The following BTRC variants were observed in gnomAD, a reference collection of about 807,000 sequenced individuals.
The protein encoded by BTRC is beta-transducin repeat containing E3 ubiquitin protein ligase, also known as F-box/WD repeat-containing protein 1A.
In BTRC, 42 loss-of-function variants were observed where a neutral mutation model predicts 85.5. That is an observed-to-expected ratio of 0.49 (90% CI 0.38 to 0.64). The LOEUF (loss-of-function observed/expected upper bound fraction) is 0.64, where lower values mean the gene tolerates loss of function less well. BTRC is among the 30% of genes least tolerant of loss of function. The pLI is 0.00. For synonymous variants in BTRC, 255 were observed against 263.3 expected, an observed-to-expected ratio of 0.97 and a Z score of 0.30; for missense variants, 594 against 743.5, an observed-to-expected ratio of 0.80 and a Z score of 2.34.
intron 11 of BTRC, among the ~76,000 whole-genome samples, chr10:101,536,340 C>T (rs1243562830): frequency 2.0e-5 from 3 of 152,186 alleles, no homozygotes; most frequent in East Asian, 1.9e-4. Context: ...ATACATTTTA[C>T]ATTTGAACTT....
At chr10:101,427,461 ATT>A (rs34459504) in intron 1 of BTRC, among the ~76,000 whole-genome samples, 22 of 122,892 alleles carry the variant, frequency 1.8e-4, no homozygotes, top group Admixed American at 2.5e-4. Context: ...TATGTTAAGG[ATT>A]TTTTTTTTTT....
intron 2 of BTRC, among the ~76,000 whole-genome samples, chr10:101,447,439 A>G (rs1338597381): frequency 1.6e-4 from 24 of 152,210 alleles, no homozygotes; most frequent in Admixed American, 1.5e-3. Context: ...GGAGCAAAAG[A>G]TGCATTATAC....
chr10:101,543,454 G>GTT lies in BTRC; in HGVS notation c.1656+5091_1656+5092dup, dbSNP rs201527753. Among the ~76,000 whole-genome samples, 26 of 141,220 alleles carry GTT rather than the reference G, an allele frequency of 1.8e-4. No individual in the cohort carries two copies. The East Asian group carries it at 5.0e-3, about 27-fold the overall frequency. 92.6% of individuals were successfully genotyped at this position (141,220 alleles called of 152,430 possible). ...CATATTCAGCATATAGTTGGGCCAT[G>GTT]TTTTTTTTTGTTTTTTTTTTTTCTT... is the stretch of plus-strand genomic sequence containing the variant. On this transcript the variant is annotated intron_variant, in intron 13 of 14. Coordinates refer to ENST00000370187, the MANE Select transcript of BTRC (RefSeq NM_033637.4).
At chr10:101,400,881 T>TTCCC (rs1943477034) in intron 1 of BTRC, among the ~76,000 whole-genome samples, 1 of 152,182 alleles carries the variant, frequency 6.6e-6, no homozygotes. Context: ...CTGCCTTTCT[T>TTCCC]TCCCTCCTTT....
chr10:101,534,441 G>A (rs2062353215), intron 9 of BTRC, among the ~76,000 whole-genome samples: 1 of 152,008 alleles, frequency 6.6e-6, no homozygotes, highest in Non-Finnish European at 1.5e-5. Flanking sequence ...CAAATTATTA[G>A]GTGACAGTGG....
At chr10:101,528,058 GAGA>G (rs2062225501) in intron 6 of BTRC, among the ~76,000 whole-genome samples, 1 of 152,112 alleles carries the variant, frequency 6.6e-6, no homozygotes, top group Non-Finnish European at 1.5e-5. Context: ...TAGGGCAGCT[GAGA>G]AGATTTCTGT....
intron 1 of BTRC, among the ~76,000 whole-genome samples, chr10:101,388,319 C>G (rs999158745): frequency 6.8e-6 from 1 of 147,532 alleles, no homozygotes; most frequent in Non-Finnish European, 1.5e-5. Context: ...CACCACACCA[C>G]ACCCAGCTAA....
At chr10:101,360,641 G>A (rs746066817) in intron 1 of BTRC, among the ~76,000 whole-genome samples, 5 of 152,168 alleles carry the variant, frequency 3.3e-5, no homozygotes, top group Non-Finnish European at 5.9e-5. Flanking sequence ...AAAGTGCTGG[G>A]ATTATAGGCA....
chr10:101,453,766 A>G (rs368203765), intron 2 of BTRC, among the ~76,000 whole-genome samples: 5 of 152,318 alleles, frequency 3.3e-5, no homozygotes, highest in African/African-American at 1.2e-4. Flanking sequence ...AAACATCTTT[A>G]CTTCTTGAAT....
At chr10:101,395,047 CTG>C (rs1943329797) in intron 1 of BTRC, among the ~76,000 whole-genome samples, 1 of 152,158 alleles carries the variant, frequency 6.6e-6, no homozygotes, top group Non-Finnish European at 1.5e-5. Flanking sequence ...CGTTATTGCA[CTG>C]TAACAAAATT....
intron 1 of BTRC, among the ~76,000 whole-genome samples, chr10:101,369,330 C>T (rs1198141832): frequency 2.0e-5 from 3 of 152,088 alleles, no homozygotes. Flanking sequence ...AACATCCTCC[C>T]ACCTGGGCCT....
intron 4 of BTRC, among the ~76,000 whole-genome samples, chr10:101,499,264 G>C (rs916641299): frequency 1.3e-5 from 2 of 151,890 alleles, no homozygotes; most frequent in Non-Finnish European, 2.9e-5. Flanking sequence ...TTTTGAGACA[G>C]GAGTCTCGTT....
At chr10:101,422,076 A>C (rs1465444922) in intron 1 of BTRC, among the ~76,000 whole-genome samples, 12 of 152,190 alleles carry the variant, frequency 7.9e-5, no homozygotes, top group Non-Finnish European at 7.3e-5. Flanking sequence ...GAACTAGTTT[A>C]CAGTCCCACC....
At chr10:101,430,159 C>G (rs1944365368) in intron 1 of BTRC, among the ~76,000 whole-genome samples, 186 bp from the exon 2 acceptor site, 1 of 152,098 alleles carries the variant, frequency 6.6e-6, no homozygotes, top group Admixed American at 6.5e-5. Context: ...TCCTTTTGGC[C>G]ACTACTGCCC....
chr10:101,438,059 A>G (rs570925396), intron 2 of BTRC, among the ~76,000 whole-genome samples: 3 of 152,276 alleles, frequency 2.0e-5, no homozygotes, highest in Admixed American at 2.0e-4. Flanking sequence ...TCATTTTCGT[A>G]CTTGATTCTT....
intron 3 of BTRC, among the ~76,000 whole-genome samples, chr10:101,478,827 T>G (rs1945761031): frequency 6.7e-6 from 1 of 148,308 alleles, no homozygotes; most frequent in Admixed American, 6.7e-5. Context: ...AAACATGTCC[T>G]CTGTGGGAGG....
intron 1 of BTRC, among the ~76,000 whole-genome samples, chr10:101,381,123 G>A (rs112983777): frequency 1.6e-5 from 2 of 128,362 alleles, no homozygotes; most frequent in African/African-American, 5.2e-5. Context: ...TTCTTGGGTG[G>A]TGATAATAAT....
intron 2 of BTRC, among the ~76,000 whole-genome samples, chr10:101,447,434 A>C (rs1944856296): frequency 6.6e-6 from 1 of 152,210 alleles, no homozygotes; most frequent in African/African-American, 2.4e-5. Context: ...ATATAGGAGC[A>C]AAAGATGCAT....
At chr10:101,435,893 C>G (rs992772721) in intron 2 of BTRC, among the ~76,000 whole-genome samples, 1 of 150,232 alleles carries the variant, frequency 6.7e-6, no homozygotes, top group African/African-American at 2.5e-5. Context: ...TCATTGGATT[C>G]TTTTAGTAAG....
Sources: gnomAD v4.1 joint callset for allele counts (sites outside exome capture counted in the v4.1 genomes callset) on GRCh38, gnomAD v4.1.1 for gene constraint, MANE v1.5 for transcripts, NCBI Gene and HGNC (gene_info 2026-07-23, HGNC 2026-07-21) for gene names.